AKAP19: variants seen among roughly 807,000 people sequenced by gnomAD.
The protein encoded by AKAP19 is small A-kinase anchoring protein.
At chr2:190,145,245 T>C in the AKAP19 span, among the ~76,000 whole-genome samples, 1,637 of 152,302 alleles carry the variant, frequency 0.011, 26 homozygotes, top group African/African-American at 0.037. Flanking sequence ...AGAGATCACA[T>C]GACAGAGTGA....
the AKAP19 span, chr2:190,202,290 T>C: frequency 6.0e-6 from 1 of 167,060 alleles, no homozygotes; most frequent in Non-Finnish European, 1.5e-5. Flanking sequence ...ATATCTTCTG[T>C]ACAATATTTC....
chr2:189,977,565 C>A, the AKAP19 span, among the ~76,000 whole-genome samples: 1 of 152,276 alleles, frequency 6.6e-6, no homozygotes, highest in Non-Finnish European at 1.5e-5. Context: ...GCCTATTAGG[C>A]ACCCAAAGAG....
chr2:190,157,349 T>C, the AKAP19 span, among the ~76,000 whole-genome samples: 1 of 120,854 alleles, frequency 8.3e-6, no homozygotes, highest in African/African-American at 3.2e-5. Context: ...ATAAAACAAA[T>C]GACTCCCTAA....
chr2:190,062,593 G>T, the AKAP19 span: 1 of 1,611,020 alleles, frequency 6.2e-7, no homozygotes, highest in Non-Finnish European at 8.5e-7. Flanking sequence ...TGCAGTTTTT[G>T]CATGATTTTA....
At chr2:189,984,008 C>A in the AKAP19 span, among the ~76,000 whole-genome samples, 4 of 152,022 alleles carry the variant, frequency 2.6e-5, no homozygotes, top group Non-Finnish European at 5.9e-5. Context: ...TGACAGACAT[C>A]AAGTACTTAA....
chr2:190,140,488 G>T, the AKAP19 span, among the ~76,000 whole-genome samples: 1 of 152,196 alleles, frequency 6.6e-6, no homozygotes, highest in Non-Finnish European at 1.5e-5. Context: ...CTAGGCAGAG[G>T]TTCCCAAACC....
At chr2:189,917,158 A>C in the AKAP19 span, 2 of 532,646 alleles carry the variant, frequency 3.8e-6, no homozygotes, top group East Asian at 7.0e-5. Flanking sequence ...TAATGATTTA[A>C]ACAAAAGTTT....
chr2:189,954,009 G>A, the AKAP19 span, among the ~76,000 whole-genome samples: 1 of 152,218 alleles, frequency 6.6e-6, no homozygotes, highest in Non-Finnish European at 1.5e-5. Flanking sequence ...GAGGATGTAT[G>A]TTGAGCCAGA....
the AKAP19 span, among the ~76,000 whole-genome samples, chr2:190,194,477 TACACACACACACACACACACAC>T: frequency 6.4e-5 from 9 of 141,370 alleles, no homozygotes; most frequent in East Asian, 8.2e-4. Context: ...ATCCTGTGTA[TACACACACACACACACACACAC>T]ACACACACAC....
chr2:189,941,132 A>T, the AKAP19 span, among the ~76,000 whole-genome samples: 3 of 152,252 alleles, frequency 2.0e-5, no homozygotes, highest in South Asian at 6.2e-4. Context: ...TGTACCCAGC[A>T]AAGTTTTCCT....
chr2:189,893,042 A>G, the AKAP19 span, among the ~76,000 whole-genome samples: 1 of 152,054 alleles, frequency 6.6e-6, no homozygotes, highest in African/African-American at 2.4e-5. Flanking sequence ...GTGAGGGGAA[A>G]ATCGCCTACT....
At chr2:189,929,585 A>C in the AKAP19 span, among the ~76,000 whole-genome samples, 16 of 151,952 alleles carry the variant, frequency 1.1e-4, no homozygotes, top group Non-Finnish European at 1.5e-4. Flanking sequence ...AAGGGATAGT[A>C]CATCTCAGTT....
At chr2:189,879,907 AAAACCCTACGGAAGTCAGACC>A in the AKAP19 span, 2 of 152,428 alleles carry the variant, frequency 1.3e-5, no homozygotes, top group Non-Finnish European at 2.9e-5. Flanking sequence ...GGGCTGACCC[AAAACCCTACGGAAGTCAGACC>A]TGCAGGCCCC....
At chr2:190,198,095 C>T in the AKAP19 span, among the ~76,000 whole-genome samples, 1 of 152,168 alleles carries the variant, frequency 6.6e-6, no homozygotes, top group Non-Finnish European at 1.5e-5. Context: ...TTAAAATTAA[C>T]ATCTCTGAAG....
At chr2:189,974,038 T>C in the AKAP19 span, among the ~76,000 whole-genome samples, 5 of 152,104 alleles carry the variant, frequency 3.3e-5, no homozygotes, top group African/African-American at 2.4e-5. Context: ...AATTTGTTTC[T>C]TCTTGCTTCT....
chr2:189,972,882 G>T, the AKAP19 span, among the ~76,000 whole-genome samples: 12 of 152,322 alleles, frequency 7.9e-5, no homozygotes, highest in Admixed American at 6.5e-4. Flanking sequence ...GAGATTTGGG[G>T]CTGAGATGAT....
the AKAP19 span, among the ~76,000 whole-genome samples, chr2:189,993,019 G>A: frequency 2.0e-5 from 3 of 152,094 alleles, no homozygotes; most frequent in Admixed American, 2.0e-4. Context: ...TCTTTCTCTT[G>A]CCTGATTGCT....
the AKAP19 span, among the ~76,000 whole-genome samples, chr2:189,892,233 A>G: frequency 0.29 from 43,855 of 151,680 alleles, 10,794 homozygotes; most frequent in African/African-American, 0.67. Context: ...ACTTACTTCC[A>G]TCAATTCGTC....
chr2:190,105,270 T>C, the AKAP19 span, among the ~76,000 whole-genome samples: 1 of 152,188 alleles, frequency 6.6e-6, no homozygotes, highest in East Asian at 1.9e-4. Flanking sequence ...AAAAATGTGA[T>C]ATATATATCT....
Sources: allele counts gnomAD v4.1 joint callset (sites outside exome capture counted in the v4.1 genomes callset), GRCh38; gene constraint gnomAD v4.1.1; transcripts MANE v1.5; gene names NCBI Gene and HGNC (gene_info 2026-07-23, HGNC 2026-07-21).